SNX29: variants seen among roughly 807,000 people sequenced by gnomAD.
SNX29 encodes sorting nexin 29.
A neutral mutation model predicts 102.1 loss-of-function variants in SNX29; 78 were observed. The ratio of observed to expected loss-of-function variants is 0.76; its 90% CI spans 0.64 to 0.92. SNX29 has a LOEUF of 0.92. Ranked by LOEUF, SNX29 falls within the 40% of genes least tolerant of loss-of-function variation. The probability of loss-of-function intolerance (pLI) is 0.00; values close to 1 mark genes in which losing one functional copy is unlikely to be tolerated. For missense variants in SNX29, 1,280 were observed against 1,061.7 expected (o/e 1.21, Z -2.86); for synonymous variants, 580 against 414.5 (o/e 1.40, Z -4.85).
chr16:12,316,027 G>A (rs1342750238), intron 15 of SNX29, among the ~76,000 whole-genome samples: 1 of 152,234 alleles, frequency 6.6e-6, no homozygotes, highest in African/African-American at 2.4e-5. Flanking sequence ...ATACAGCTGA[G>A]TGCTCCGAAG....
chr16:12,538,099 G>A (rs1317337460), intron 20 of SNX29, among the ~76,000 whole-genome samples: 1 of 148,226 alleles, frequency 6.7e-6, no homozygotes, highest in Non-Finnish European at 1.5e-5. Flanking sequence ...CAAATTCACA[G>A]CTTTCTGCAT....
chr16:12,550,718 C>G (rs968371838), intron 20 of SNX29, among the ~76,000 whole-genome samples: 2 of 152,168 alleles, frequency 1.3e-5, no homozygotes, highest in African/African-American at 4.8e-5. Context: ...TCTTATTCTA[C>G]ACTCCTGTGT....
At chr16:12,268,067 C>T (rs1298783063) in intron 14 of SNX29, among the ~76,000 whole-genome samples, 1 of 152,240 alleles carries the variant, frequency 6.6e-6, no homozygotes, top group Non-Finnish European at 1.5e-5. Flanking sequence ...GCTCACTCCC[C>T]TGCCTTATCC....
chr16:12,079,416 T>C (rs1373023036), intron 11 of SNX29, among the ~76,000 whole-genome samples: 4 of 152,212 alleles, frequency 2.6e-5, no homozygotes, highest in South Asian at 2.1e-4. Flanking sequence ...CCAACTGTTA[T>C]GTAAACTGAC....
chr16:12,032,203 CT>C (rs781326269), intron 4 of SNX29, among the ~76,000 whole-genome samples: 185 of 124,366 alleles, frequency 1.5e-3, no homozygotes, highest in Middle Eastern at 3.9e-3. Context: ...TCTTCTTCTT[CT>C]TTTTTTTTTT....
chr16:12,185,659 T>G (rs1443781590), intron 13 of SNX29, among the ~76,000 whole-genome samples: 2 of 152,236 alleles, frequency 1.3e-5, no homozygotes, highest in African/African-American at 2.4e-5. Flanking sequence ...AGTCCATGTT[T>G]CTGCCTGTAG....
intron 15 of SNX29, among the ~76,000 whole-genome samples, chr16:12,334,091 G>C (rs753144459): frequency 6.6e-6 from 1 of 152,100 alleles, no homozygotes; most frequent in Admixed American, 6.6e-5. Flanking sequence ...GCTAGACGTA[G>C]GGAAACACTT....
At chr16:12,379,495 T>C (rs1312655342) in intron 16 of SNX29, among the ~76,000 whole-genome samples, 1 of 152,234 alleles carries the variant, frequency 6.6e-6, no homozygotes, top group East Asian at 1.9e-4. Flanking sequence ...CTCAGCTTGT[T>C]AGAAGCAGGG....
intron 11 of SNX29, among the ~76,000 whole-genome samples, chr16:12,125,319 A>T (rs1267009417): frequency 6.6e-6 from 1 of 152,142 alleles, no homozygotes; most frequent in Non-Finnish European, 1.5e-5. Flanking sequence ...GGAAGGCGGA[A>T]GGTCTGACAG....
chr16:12,477,913 A>T, intron 19 of SNX29, 54 bp downstream of exon 19: 1 of 1,524,290 alleles, frequency 6.6e-7, no homozygotes, highest in Non-Finnish European at 8.8e-7. Flanking sequence ...AAAATGGATT[A>T]TTTATTCTTC....
At chr16:12,179,270 G>A (rs546185245) in intron 13 of SNX29, among the ~76,000 whole-genome samples, 1 of 152,354 alleles carries the variant, frequency 6.6e-6, no homozygotes, top group Non-Finnish European at 1.5e-5. Context: ...GATCACTTGA[G>A]TTCAGGAGTT....
chr16:12,265,579 G>A (rs1270787834), intron 14 of SNX29, among the ~76,000 whole-genome samples: 2 of 151,814 alleles, frequency 1.3e-5, no homozygotes, highest in African/African-American at 2.4e-5. Flanking sequence ...TTCTCACGTC[G>A]GCCAGGCACA....
intron 1 of SNX29, among the ~76,000 whole-genome samples, chr16:11,989,828 C>A (rs1348581717): frequency 6.6e-6 from 1 of 152,304 alleles, no homozygotes; most frequent in East Asian, 1.9e-4. Flanking sequence ...GCAGTGTGTC[C>A]CTTGGGGGAC....
rs1355537034 is a variant in SNX29 at position 12,571,668 on chromosome 16, G to A, written c.*3039G>A. ...AAGACGACTCAGGAACGGTAGGGCT[G>A]GGCAGAGGTGTCTCTCCTTGAGAGA... On this transcript the variant is annotated 3_prime_UTR_variant, in exon 21 of 21. Transcript: ENST00000566228. The A allele has an allele frequency of 9.4e-6, 10 of 1,059,402 alleles. No individual in the cohort carries two copies. The highest frequency in any genetic ancestry group is 5.2e-5 in the East Asian group (1 of 19,290). The allele number at this position is 1,059,402 out of a possible 1,614,324, so 65.6% of individuals were successfully genotyped here.
chr16:12,093,024 C>T (rs898803061), intron 11 of SNX29, among the ~76,000 whole-genome samples: 2 of 152,120 alleles, frequency 1.3e-5, no homozygotes, highest in Non-Finnish European at 2.9e-5. Flanking sequence ...GTGCCAGACC[C>T]CTGTGGACTG....
intron 14 of SNX29, among the ~76,000 whole-genome samples, chr16:12,270,998 G>A (rs1200557269): frequency 2.0e-5 from 3 of 152,216 alleles, no homozygotes; most frequent in South Asian, 2.1e-4. Flanking sequence ...AGTCAAGATC[G>A]CGCCACTGCA....
At chr16:12,112,757 G>T (rs1443498450) in intron 11 of SNX29, among the ~76,000 whole-genome samples, 1 of 152,178 alleles carries the variant, frequency 6.6e-6, no homozygotes, top group Non-Finnish European at 1.5e-5. Context: ...TTATATTTTT[G>T]CTCCAACATC....
At chr16:12,390,773 C>G (rs1191893967) in intron 16 of SNX29, among the ~76,000 whole-genome samples, 1 of 151,940 alleles carries the variant, frequency 6.6e-6, no homozygotes, top group African/African-American at 2.4e-5. Flanking sequence ...TCTGTTGTCC[C>G]CATTTTCCAG....
At chr16:12,563,426 C>T (rs541270252) in intron 20 of SNX29, among the ~76,000 whole-genome samples, 14 of 152,286 alleles carry the variant, frequency 9.2e-5, no homozygotes, top group South Asian at 4.1e-4. Context: ...TTGTTCCTTG[C>T]GGTATGTCCT....
Sources: gnomAD v4.1 joint callset for allele counts (sites outside exome capture counted in the v4.1 genomes callset) on GRCh38, gnomAD v4.1.1 for gene constraint, MANE v1.5 for transcripts, NCBI Gene and HGNC (gene_info 2026-07-23, HGNC 2026-07-21) for gene names.